The following UBE3C variants were observed in gnomAD, a reference collection of about 807,000 sequenced individuals.
UBE3C encodes the protein ubiquitin protein ligase E3C, also known as ubiquitin-protein ligase E3C.
Under a neutral mutation model 129.4 loss-of-function variants are expected in UBE3C, and 42 were observed. That is an observed-to-expected ratio of 0.32 (90% CI 0.25 to 0.42). The LOEUF is 0.42. Ranked by LOEUF, UBE3C falls within the 10% of genes least tolerant of loss-of-function variation. The pLI is 1.00. For missense variants in UBE3C, 1,049 were observed against 1,319.1 expected, an observed-to-expected ratio of 0.80 and a Z score of 3.17; for synonymous variants, 510 against 492.4, an observed-to-expected ratio of 1.04 and a Z score of -0.47.
chr7:157,145,641 G>A (rs565652267), intron 1 of UBE3C, among the ~76,000 whole-genome samples: 1 of 152,238 alleles, frequency 6.6e-6, no homozygotes, highest in African/African-American at 2.4e-5. Flanking sequence ...TCATATAGTT[G>A]GAATCATATA....
Position 157,175,032 on chromosome 7 carries a change from C to A in UBE3C, c.456C>A (p.Cys152Ter), listed in dbSNP as rs1175655041. 1 of 1,607,906 alleles carries A rather than the reference C, an allele frequency of 6.2e-7. No homozygotes were observed. Reference sequence around the variant, plus strand: ...TAAAAAGATTGATGAGCCTCTGTTGCAGGTAAAATTCTATTGTAAGTCAGT... The same window carrying A: ...TAAAAAGATTGATGAGCCTCTGTTGAAGGTAAAATTCTATTGTAAGTCAGT... ...FQIKRLMSLC[C>*]RLLQNCNDDS... Residue 152 changes from cysteine (C) to a stop codon, truncating the protein, a stop_gained and splice_region_variant, in exon 5 of 23, where the codon TGC becomes TGA. Coordinates refer to ENST00000348165, the MANE Select transcript of UBE3C (RefSeq NM_014671.3). LOFTEE classifies it high-confidence loss of function.
intron 9 of UBE3C, among the ~76,000 whole-genome samples, chr7:157,184,571 CTT>C (rs1235216859): frequency 6.6e-6 from 1 of 152,074 alleles, no homozygotes. Context: ...CCGCCAATGA[CTT>C]TTTTTGGTCT....
chr7:157,157,328 A>G (rs1291225437), intron 1 of UBE3C, among the ~76,000 whole-genome samples: 2 of 152,210 alleles, frequency 1.3e-5, no homozygotes, highest in African/African-American at 2.4e-5. Context: ...AAATATCATA[A>G]CCAAGGTTAA....
At chr7:157,142,325 A>G (rs1003893144) in intron 1 of UBE3C, among the ~76,000 whole-genome samples, 3 of 152,200 alleles carry the variant, frequency 2.0e-5, no homozygotes, top group African/African-American at 7.2e-5. Context: ...CTTTTTTCAA[A>G]TTAAATACTT....
In UBE3C at chr7:157,201,703, T is replaced by A; in HGVS notation, c.1332-18T>A. 6.5e-7 allele frequency: 1 copy of A among 1,539,540 alleles called. No homozygotes were observed. Among genetic ancestry groups the A allele is most frequent in the Non-Finnish European group, 8.9e-7 (1 of 1,129,526 alleles). On this transcript the variant is annotated intron_variant, in intron 10 of 22. Transcript: ENST00000348165. ...TAATTGCTTTACTGTTCTGTGTTTT[T>A]CTCCTATTCCTTTTTAGGCTTCTCT...
At chr7:157,228,090 G>C (rs1795926977) in intron 17 of UBE3C, among the ~76,000 whole-genome samples, 1 of 152,228 alleles carries the variant, frequency 6.6e-6, no homozygotes, top group Non-Finnish European at 1.5e-5. Context: ...CAACTAATGT[G>C]ATTATTCCAC....
intron 7 of UBE3C, among the ~76,000 whole-genome samples, 191 bp from the exon 8 acceptor site, chr7:157,181,916 TG>T (rs1185598805): frequency 6.6e-6 from 1 of 152,230 alleles, no homozygotes. Flanking sequence ...AACGAAAACA[TG>T]GTAGTTATCT....
chr7:157,144,556 T>TA (rs1294202087), intron 1 of UBE3C, among the ~76,000 whole-genome samples: 1 of 151,988 alleles, frequency 6.6e-6, no homozygotes, highest in Admixed American at 6.6e-5. Flanking sequence ...TTTTGAGACT[T>TA]AAAGAAGCTA....
intron 10 of UBE3C, chr7:157,192,549 C>T: frequency 1.3e-6 from 1 of 764,730 alleles, no homozygotes; most frequent in Non-Finnish European, 2.4e-6. Context: ...CTACAACATT[C>T]AAAAGGAGCT....
At chr7:157,235,472 T>C (rs1796130731) in intron 18 of UBE3C, among the ~76,000 whole-genome samples, 1 of 152,226 alleles carries the variant, frequency 6.6e-6, no homozygotes, top group Admixed American at 6.5e-5. Context: ...TAGAAGCTAA[T>C]AGTTATGTAA....
intron 1 of UBE3C, among the ~76,000 whole-genome samples, chr7:157,150,398 A>T (rs979804867): frequency 6.6e-6 from 1 of 152,072 alleles, no homozygotes; most frequent in African/African-American, 2.4e-5. Context: ...AAAGAGTCTA[A>T]CAAGATATGT....
chr7:157,183,513 C>A (rs1808724622), intron 8 of UBE3C, among the ~76,000 whole-genome samples: 1 of 152,130 alleles, frequency 6.6e-6, no homozygotes, highest in Non-Finnish European at 1.5e-5. Flanking sequence ...CAGACAGCCC[C>A]TTGGAAGTTG....
intron 4 of UBE3C, among the ~76,000 whole-genome samples, chr7:157,171,661 TA>T (rs1808370413): frequency 2.6e-4 from 6 of 22,800 alleles, no homozygotes; most frequent in South Asian, 1.4e-3. Flanking sequence ...TTAAATATTT[TA>T]TATATATATA....
At chr7:157,140,748 C>G in intron 1 of UBE3C, among the ~76,000 whole-genome samples, 1 of 152,188 alleles carries the variant, frequency 6.6e-6, no homozygotes, top group East Asian at 1.9e-4. Flanking sequence ...GGATGTTGGT[C>G]CCTTTTCACC....
chr7:157,242,966 A>G (rs955933781), intron 18 of UBE3C, among the ~76,000 whole-genome samples: 3 of 152,104 alleles, frequency 2.0e-5, no homozygotes, highest in African/African-American at 7.2e-5. Flanking sequence ...GAGGTAGGAA[A>G]ATCGCTTGAA....
At chr7:157,211,209 ATTT>A in intron 13 of UBE3C, among the ~76,000 whole-genome samples, 1 of 147,680 alleles carries the variant, frequency 6.8e-6, no homozygotes, top group Admixed American at 6.8e-5. Flanking sequence ...ACTATGAGTG[ATTT>A]TTTTACTTCC....
intron 1 of UBE3C, chr7:157,140,053 C>T (rs1477488621): frequency 1.0e-5 from 10 of 984,714 alleles, no homozygotes; most frequent in Non-Finnish European, 1.1e-5. Context: ...CAAACCATGA[C>T]GCCTCTGTTC....
chr7:157,146,523 T>C (rs1807610380), intron 1 of UBE3C, among the ~76,000 whole-genome samples: 1 of 152,188 alleles, frequency 6.6e-6, no homozygotes, highest in Admixed American at 6.5e-5. Flanking sequence ...GTCCGGCCTT[T>C]ACGATCTGTT....
At chr7:157,205,935 C>T (rs900353867) in intron 11 of UBE3C, among the ~76,000 whole-genome samples, 38 of 152,172 alleles carry the variant, frequency 2.5e-4, no homozygotes, top group African/African-American at 7.2e-4. Flanking sequence ...CTTACGGCCC[C>T]GCTAATTAGA....
Sources: gnomAD v4.1 joint callset for allele counts (sites outside exome capture counted in the v4.1 genomes callset) on GRCh38, gnomAD v4.1.1 for gene constraint, MANE v1.5 for transcripts, NCBI Gene and HGNC (gene_info 2026-07-23, HGNC 2026-07-21) for gene names.